The following CD163L1 variants were observed in gnomAD, a reference collection of about 807,000 sequenced individuals.
CD163L1 encodes scavenger receptor cysteine-rich type 1 protein M160.
A neutral mutation model predicts 165.4 loss-of-function variants in CD163L1; 124 were observed. The ratio of observed to expected loss-of-function variants is 0.75; its 90% CI spans 0.65 to 0.87. CD163L1 has a LOEUF of 0.87. Among genes scored for constraint, CD163L1 ranks in the 40% least tolerant of loss-of-function variants. The probability of loss-of-function intolerance (pLI) is 0.00; values close to 1 mark genes in which losing one functional copy is unlikely to be tolerated. For synonymous variants in CD163L1, 585 were observed against 662.2 expected, an observed-to-expected ratio of 0.88 and a Z score of 1.79; for missense variants, 1,525 against 1,799.9, an observed-to-expected ratio of 0.85 and a Z score of 2.76.
At chr12:7,433,092 A>G (rs1424622107) in intron 3 of CD163L1, among the ~76,000 whole-genome samples, 1 of 152,114 alleles carries the variant, frequency 6.6e-6, no homozygotes, top group Non-Finnish European at 1.5e-5. Context: ...TTCTTTCTAA[A>G]CTCAATTATA....
downstream of CD163L1, among the ~76,000 whole-genome samples, chr12:7,350,148 G>T (rs1484004332): frequency 1.3e-5 from 2 of 152,136 alleles, no homozygotes; most frequent in African/African-American, 2.4e-5. Flanking sequence ...CCTAAATTTA[G>T]CTATCTTCAT....
chr12:7,366,764 T>C (rs1162055361), intron 18 of CD163L1, among the ~76,000 whole-genome samples: 1 of 152,120 alleles, frequency 6.6e-6, no homozygotes, highest in Admixed American at 6.5e-5. Flanking sequence ...CCAAAACAGA[T>C]TGAGTTTTAT....
chr12:7,387,855 C>T (rs1947554133), intron 8 of CD163L1, among the ~76,000 whole-genome samples: 1 of 152,184 alleles, frequency 6.6e-6, no homozygotes, highest in African/African-American at 2.4e-5. Context: ...TCTTGAGGCA[C>T]ATCATACTAT....
Position 7,432,707 on chromosome 12 carries a change from C to A in CD163L1, c.475G>T (p.Asp159Tyr). Residue 159 changes from aspartate to tyrosine, a missense_variant, in exon 4 of 20, where the codon GAT (aspartate) becomes TAT (tyrosine). Transcript: ENST00000313599. This position sits in a 1 kb window ranked among gnomAD's most constrained non-coding sequence, Gnocchi z 4.2. Reference sequence around the variant, plus strand: ...CTCCCTGAACAGGAGTTGTTTCCATCCACTAGCCTCAAACCCAGATTGGCT... The same window carrying A: ...CTCCCTGAACAGGAGTTGTTTCCATACACTAGCCTCAAACCCAGATTGGCT... ...GEANLGLRLV[D>Y]GNNSCSGRVE... The A allele has an allele frequency of 1.2e-6, 2 of 1,610,706 alleles. No individual in the cohort carries two copies. The highest frequency in any genetic ancestry group is 1.7e-6 in the Non-Finnish European group (2 of 1,177,780).
intron 9 of CD163L1, among the ~76,000 whole-genome samples, chr12:7,378,230 C>T (rs1947312417): frequency 6.6e-6 from 1 of 152,138 alleles, no homozygotes; most frequent in Admixed American, 6.5e-5. Context: ...GGAAGCTTTT[C>T]ACCAGCTCCA....
intron 18 of CD163L1, 170 bp from the exon 19 acceptor site, chr12:7,357,656 A>G (rs972366505): frequency 4.3e-6 from 2 of 462,416 alleles, no homozygotes; most frequent in South Asian, 4.1e-5. Flanking sequence ...AATAATTATC[A>G]TATTTAAAAG....
chr12:7,392,009 G>C (rs1283204378), intron 8 of CD163L1, among the ~76,000 whole-genome samples: 2 of 152,104 alleles, frequency 1.3e-5, no homozygotes, highest in Non-Finnish European at 1.5e-5. Context: ...ATATTAGACA[G>C]ATCAATAAGA....
downstream of CD163L1, among the ~76,000 whole-genome samples, chr12:7,351,235 ATGTG>A (rs1946705003): frequency 1.3e-5 from 2 of 152,262 alleles, no homozygotes; most frequent in East Asian, 3.9e-4. Context: ...GTGTGCATGC[ATGTG>A]TATGTATGTC....
the CD163L1 span, among the ~76,000 whole-genome samples, chr12:7,326,398 T>G: frequency 6.6e-6 from 1 of 152,176 alleles, no homozygotes; most frequent in East Asian, 1.9e-4. Flanking sequence ...TTTGTAGAGA[T>G]GGGGTCTCAC....
At chr12:7,319,967 C>T in the CD163L1 span, among the ~76,000 whole-genome samples, 5 of 152,142 alleles carry the variant, frequency 3.3e-5, no homozygotes, top group Admixed American at 1.3e-4. Flanking sequence ...TTAGACTCTG[C>T]GGAGCAGATA....
At chr12:7,376,061 C>A (rs752827101) in intron 9 of CD163L1, 47 bp from the exon 10 acceptor site, 2 of 1,524,110 alleles carry the variant, frequency 1.3e-6, no homozygotes, top group Non-Finnish European at 1.8e-6. Context: ...TTTCCAATAT[C>A]TATCCCTGTC....
chr12:7,325,524 G>A, the CD163L1 span, among the ~76,000 whole-genome samples: 1 of 152,170 alleles, frequency 6.6e-6, no homozygotes, highest in Non-Finnish European at 1.5e-5. Context: ...GCGGGCACCT[G>A]TAATCTCAGC....
At chr12:7,342,183 A>T (rs7972848), downstream of CD163L1, among the ~76,000 whole-genome samples, 30,746 of 152,168 alleles carry the variant, frequency 0.2, 3,490 homozygotes, top group South Asian at 0.3. Flanking sequence ...GCACTGTGAC[A>T]TGTTCATGAT....
chr12:7,388,516 GCA>G (rs766243513), intron 8 of CD163L1, among the ~76,000 whole-genome samples: 3,944 of 152,250 alleles, frequency 0.026, 89 homozygotes, highest in Non-Finnish European at 0.041. Flanking sequence ...GCCAAGGAGG[GCA>G]GATCACTTGA....
In CD163L1 at chr12:7,432,872, A is replaced by C. The variant is rs956576043; in HGVS notation, c.446-136T>G. On this transcript the variant is annotated intron_variant, in intron 3 of 19. Transcript: ENST00000313599. This position sits in a 1 kb window ranked among gnomAD's most constrained non-coding sequence, Gnocchi z 4.2. The stretch of plus-strand genomic sequence containing the variant: ...TAAAAAAAAATAACTGAAAATACTT[A>C]TAGGAGGGGTATGTGAGGCTTTTTT... 1.4e-5 allele frequency: 10 copies of C among 710,034 alleles called. 1 individual carries two copies. Among genetic ancestry groups the C allele is most frequent in the Middle Eastern group, 2.7e-4 (1 of 3,698 alleles). The allele number at this position is 710,034 out of a possible 1,614,324, so 44.0% of individuals were successfully genotyped here.
chr12:7,419,479 T>C (rs7485033), intron 4 of CD163L1, among the ~76,000 whole-genome samples: 376 of 151,538 alleles, frequency 2.5e-3, no homozygotes, highest in African/African-American at 8.7e-3. Context: ...ACCACTTCTA[T>C]TGAACATAGT....
At chr12:7,322,788 T>TG in the CD163L1 span, among the ~76,000 whole-genome samples, 1 of 151,986 alleles carries the variant, frequency 6.6e-6, no homozygotes, top group Non-Finnish European at 1.5e-5. Context: ...CGTTAGCGGG[T>TG]GGGTGAGGTT....
chr12:7,326,559 A>G, the CD163L1 span, among the ~76,000 whole-genome samples: 6 of 152,034 alleles, frequency 3.9e-5, no homozygotes, highest in South Asian at 1.2e-3. Context: ...CTCCGTTGAG[A>G]CCCTCCAAAC....
chr12:7,378,717 C>T (rs149669288), intron 9 of CD163L1, among the ~76,000 whole-genome samples: 12 of 152,230 alleles, frequency 7.9e-5, no homozygotes, highest in East Asian at 3.9e-4. Flanking sequence ...AAATATTCTC[C>T]GACTCTGCAA....
Sources: gnomAD v4.1 joint callset for allele counts (sites outside exome capture counted in the v4.1 genomes callset) on GRCh38, gnomAD v4.1.1 for gene constraint, Gnocchi (gnomAD v3.1) non-coding constraint, MANE v1.5 for transcripts, NCBI Gene and HGNC (gene_info 2026-07-23, HGNC 2026-07-21) for gene names.